Variants in SLC12A6 observed in about 807,000 individuals in gnomAD.
SLC12A6 encodes K-Cl cotransporter 3.
In SLC12A6, 66 loss-of-function variants were observed where a neutral mutation model predicts 135.3. The ratio of observed to expected loss-of-function variants is 0.49; its 90% CI spans 0.40 to 0.60. The LOEUF (loss-of-function observed/expected upper bound fraction) is 0.60, where lower values mean the gene tolerates loss of function less well. SLC12A6 is among the 20% of genes least tolerant of loss of function. The pLI, the probability that SLC12A6 is intolerant of heterozygous loss-of-function variation, is 0.00. For missense variants in SLC12A6, 1,058 were observed against 1,452.3 expected (o/e 0.73, Z 4.41); for synonymous variants, 513 against 508.8 (o/e 1.01, Z -0.11).
chr15:34,248,621 G>A (rs979310485), intron 13 of SLC12A6, among the ~76,000 whole-genome samples: 2 of 151,518 alleles, frequency 1.3e-5, no homozygotes, highest in African/African-American at 4.8e-5. Context: ...TATATATATT[G>A]TGCTTTTTAT....
intron 2 of SLC12A6, among the ~76,000 whole-genome samples, chr15:34,332,232 C>T (rs1889896084): frequency 2.0e-5 from 3 of 152,120 alleles, no homozygotes; most frequent in African/African-American, 7.2e-5. Flanking sequence ...AACAGATTAA[C>T]GGATGCTTTT....
rs1890798083 is a variant in SLC12A6 at position 34,229,811 on chromosome 15, C to T, written c.*4070G>A. ...TGAACATGAGAAAGCAGCGCCTGGT[C>T]CCTATGTATTTGGGTCTTATTTACA... On this transcript the variant is annotated 3_prime_UTR_variant, in exon 26 of 26. Transcript: ENST00000354181. 2.5e-6 allele frequency: 4 copies of T among 1,611,690 alleles called. No homozygotes were observed. The highest frequency in any genetic ancestry group is 3.4e-6 in the Non-Finnish European group (4 of 1,177,832).
At chr15:34,285,960 G>A (rs1195632945) in intron 2 of SLC12A6, among the ~76,000 whole-genome samples, 1 of 151,954 alleles carries the variant, frequency 6.6e-6, no homozygotes, top group East Asian at 1.9e-4. Flanking sequence ...ATTGGGTATA[G>A]AAGTTCAGTT....
chr15:34,280,345 G>A (rs937221784), intron 2 of SLC12A6, among the ~76,000 whole-genome samples: 5 of 152,132 alleles, frequency 3.3e-5, no homozygotes, highest in African/African-American at 9.7e-5. Flanking sequence ...ATGACCAAGC[G>A]CATATACATC....
chr15:34,234,884 C>T (rs73388020), intron 25 of SLC12A6, among the ~76,000 whole-genome samples: 3 of 151,920 alleles, frequency 2.0e-5, no homozygotes, highest in Admixed American at 6.6e-5. Flanking sequence ...CCTAAAAAGG[C>T]GAAAGGATGT....
chr15:34,249,364 A>G (rs186836964), intron 13 of SLC12A6, among the ~76,000 whole-genome samples: 58 of 152,232 alleles, frequency 3.8e-4, no homozygotes, highest in African/African-American at 1.4e-3. Context: ...GCTTCAGACC[A>G]TCCTGGACAA....
At position 34,309,485 on chromosome 15, in the gene SLC12A6, C is replaced by G. The variant is rs1887995065; in HGVS notation, c.271+26925G>C. Reference sequence around the variant, plus strand: ...TGGGGCAAAAGTAGCAGACAGTTGACAGAAGGTTGGTATACTAAGCTAGAA... The same window carrying G: ...TGGGGCAAAAGTAGCAGACAGTTGAGAGAAGGTTGGTATACTAAGCTAGAA... On this transcript the variant is annotated intron_variant, in intron 2 of 25. Transcript: ENST00000354181. 2.6e-5 allele frequency among the ~76,000 whole-genome samples: 4 copies of G among 152,048 alleles called. 1 individual carries two copies. In the South Asian group the frequency reaches 8.3e-4, roughly 32 times the overall value.
chr15:34,270,874 C>G (rs2140862064), intron 3 of SLC12A6, among the ~76,000 whole-genome samples: 1 of 151,696 alleles, frequency 6.6e-6, no homozygotes, highest in Admixed American at 6.6e-5. Context: ...TTAATTGACT[C>G]CAAGTTCAGC....
intron 2 of SLC12A6, among the ~76,000 whole-genome samples, chr15:34,320,883 T>A (rs1889037677): frequency 6.6e-6 from 1 of 151,708 alleles, no homozygotes; most frequent in Admixed American, 6.6e-5. Context: ...TACTCCAGCC[T>A]GGGCGACAGA....
chr15:34,247,520 G>A (rs1466341532), intron 13 of SLC12A6, among the ~76,000 whole-genome samples: 2 of 144,714 alleles, frequency 1.4e-5, no homozygotes, highest in African/African-American at 5.1e-5. Context: ...CCATCTAGGG[G>A]AAAAAAAAAA....
chr15:34,260,849 C>A, intron 4 of SLC12A6, 77 bp downstream of exon 4: 6 of 753,574 alleles, frequency 8.0e-6, no homozygotes, highest in Non-Finnish European at 9.7e-6. Flanking sequence ...AATTTTTAAA[C>A]CAAATGGGGT....
chr15:34,320,483 T>A (rs1888993056), intron 2 of SLC12A6, among the ~76,000 whole-genome samples: 1 of 151,384 alleles, frequency 6.6e-6, no homozygotes, highest in Non-Finnish European at 1.5e-5. Context: ...TACCAGAGGC[T>A]AGGAAGGGTA....
intron 2 of SLC12A6, among the ~76,000 whole-genome samples, chr15:34,285,717 T>TATATACACACACACACACACACACACACA (rs144158165): frequency 7.6e-6 from 1 of 131,108 alleles, no homozygotes. Context: ...TGTGTGTTTG[T>TATATACACACACACACACACACACACACA]CATACATAAA....
chr15:34,235,432 T>G, intron 24 of SLC12A6, 118 bp from the exon 25 acceptor site: 2 of 155,676 alleles, frequency 1.3e-5, no homozygotes, highest in Non-Finnish European at 2.4e-5. Context: ...GATAAAATGA[T>G]TTTTTTTTTT....
At chr15:34,275,463 CAA>C in intron 2 of SLC12A6, 74 bp from the exon 3 acceptor site, 2 of 847,092 alleles carry the variant, frequency 2.4e-6, no homozygotes, top group Admixed American at 3.8e-5. Context: ...AAATCAGCAA[CAA>C]AAGTCAACCA....
At chr15:34,255,110 C>G in intron 8 of SLC12A6, 152 bp downstream of exon 8, 1 of 733,168 alleles carries the variant, frequency 1.4e-6, no homozygotes, top group Non-Finnish European at 2.4e-6. Context: ...TTCAACCTTT[C>G]CACCTCATAT....
At position 34,231,411 on chromosome 15, in the gene SLC12A6, T is replaced by C. The variant is rs971461585; in HGVS notation, c.*2470A>G. 1 of 151,390 alleles carries C rather than the reference T, an allele frequency of 6.6e-6. No homozygotes were observed. Among genetic ancestry groups the C allele is most frequent in the Non-Finnish European group, 1.5e-5 (1 of 67,894 alleles). 9.4% of individuals were successfully genotyped at this position (151,390 alleles called of 1,614,324 possible). A position where few individuals can be genotyped will look rare whatever the true frequency, so the allele number is the denominator to read the frequency against. On this transcript the variant is annotated 3_prime_UTR_variant, in exon 26 of 26. Transcript: ENST00000354181. Reference sequence around the variant, plus strand: ...GATCCTGCAGGACATGACTCACTACTGTTAAACTCAACTAAGCAATGGAGT... The same window carrying C: ...GATCCTGCAGGACATGACTCACTACCGTTAAACTCAACTAAGCAATGGAGT...
At chr15:34,249,587 A>C (rs529771022) in intron 13 of SLC12A6, among the ~76,000 whole-genome samples, 3 of 152,282 alleles carry the variant, frequency 2.0e-5, no homozygotes, top group African/African-American at 7.2e-5. Flanking sequence ...AGTAGAAAAG[A>C]AAAGAAGAGA....
At chr15:34,290,551 G>A (rs1261832427) in intron 2 of SLC12A6, among the ~76,000 whole-genome samples, 2 of 151,942 alleles carry the variant, frequency 1.3e-5, no homozygotes, top group African/African-American at 2.4e-5. Context: ...TTTCTGTCTC[G>A]TCGATCTAAT....
Sources: allele counts gnomAD v4.1 joint callset (sites outside exome capture counted in the v4.1 genomes callset), GRCh38; gene constraint gnomAD v4.1.1; transcripts MANE v1.5; gene names NCBI Gene and HGNC (gene_info 2026-07-23, HGNC 2026-07-21).